Variants in ERP27 observed in about 807,000 individuals in gnomAD.
ERP27 encodes the protein endoplasmic reticulum resident protein 27.
Under a neutral mutation model 27.7 loss-of-function variants are expected in ERP27, and 23 were observed. The observed-to-expected ratio is 0.83, with a 90% confidence interval of 0.60 to 1.18. The LOEUF is 1.18. Among genes scored for constraint, ERP27 ranks in the 50% most tolerant of loss-of-function variants. The pLI, the probability that ERP27 is intolerant of heterozygous loss-of-function variation, is 0.00. For synonymous variants in ERP27, 159 were observed against 118.3 expected (o/e 1.34, Z -2.23); for missense variants, 363 against 327.9 (o/e 1.11, Z -0.83).
chr12:14,914,545 A>G lies in ERP27; in HGVS notation c.*190T>C. ...AGAAGAGAAAACGAGATTTTAAGAC[A>G]GGAAATGAAGCTCTGTGTGTGTGTG... On this transcript the variant is annotated 3_prime_UTR_variant, in exon 7 of 7. Transcript: ENST00000266397. 1.9e-6 allele frequency: 1 copy of G among 524,076 alleles called. No homozygotes were observed. Among genetic ancestry groups the G allele is most frequent in the East Asian group, 3.1e-5 (1 of 31,962 alleles). 32.5% of individuals were successfully genotyped at this position (524,076 alleles called of 1,614,324 possible). A position where few individuals can be genotyped will look rare whatever the true frequency, so the allele number is the denominator to read the frequency against.
In ERP27 at chr12:14,925,020, T is replaced by C. The variant is rs188988593; in HGVS notation, c.334-3972A>G. ...GTCTGAAAAGGTGAGGCATGGATAATCCACCGCTTAGTGCATATAATCAAG... is the reference window on the plus strand; with the variant it reads ...GTCTGAAAAGGTGAGGCATGGATAACCCACCGCTTAGTGCATATAATCAAG... On this transcript the variant is annotated intron_variant, in intron 3 of 6. Transcript: ENST00000266397. Among the ~76,000 whole-genome samples, 202 of 152,298 alleles carry C rather than the reference T, an allele frequency of 1.3e-3. 2 individuals carry two copies. Among genetic ancestry groups the C allele is most frequent in the African/African-American group, 4.7e-3 (196 of 41,548 alleles).
intron 3 of ERP27, among the ~76,000 whole-genome samples, chr12:14,924,688 T>C (rs1273666972): frequency 2.0e-5 from 3 of 152,206 alleles, no homozygotes; most frequent in African/African-American, 4.8e-5. Flanking sequence ...CCTATCGCTG[T>C]CAGAGATGTT....
chr12:14,918,878 T>C (rs1282366590), intron 4 of ERP27, among the ~76,000 whole-genome samples: 1 of 152,226 alleles, frequency 6.6e-6, no homozygotes, highest in African/African-American at 2.4e-5. Context: ...TACTAAATCC[T>C]GCTACTTAAA....
intron 4 of ERP27, 145 bp downstream of exon 4, chr12:14,920,787 G>T: frequency 1.6e-6 from 1 of 610,042 alleles, no homozygotes; most frequent in Non-Finnish European, 2.9e-6. Context: ...TCTTAAAAAG[G>T]TGTAGGAAGG....
chr12:14,934,395 G>T (rs909795729), intron 3 of ERP27, among the ~76,000 whole-genome samples: 4 of 151,986 alleles, frequency 2.6e-5, no homozygotes, highest in African/African-American at 9.7e-5. Flanking sequence ...TGAGACTGGA[G>T]AATATATTTA....
chr12:14,938,317 A>T, intron 1 of ERP27, 98 bp downstream of exon 1: 1 of 1,251,824 alleles, frequency 8.0e-7, no homozygotes, highest in Non-Finnish European at 1.2e-6. Context: ...AAAGCTTTCT[A>T]GGTGTGGAGG....
chr12:14,916,796 C>T (rs920663530), intron 5 of ERP27, among the ~76,000 whole-genome samples: 1 of 152,040 alleles, frequency 6.6e-6, no homozygotes, highest in Non-Finnish European at 1.5e-5. Context: ...GAGCAGGCAC[C>T]AGGTACTTGA....
chr12:14,915,170 A>C (rs943514032), intron 6 of ERP27, among the ~76,000 whole-genome samples: 1 of 152,226 alleles, frequency 6.6e-6, no homozygotes, highest in Non-Finnish European at 1.5e-5. Context: ...GTGATATTCT[A>C]TACATGTATA....
At position 14,923,488 on chromosome 12, in the gene ERP27, A is replaced by T. The variant is rs908766578; in HGVS notation, c.334-2440T>A. Among the ~76,000 whole-genome samples the T allele has an allele frequency of 3.1e-3, 352 of 111,964 alleles. 1 individual carries two copies. The highest frequency in any genetic ancestry group is 0.012 in the African/African-American group (337 of 27,574). 73.5% of individuals were successfully genotyped at this position (111,964 alleles called of 152,430 possible). On this transcript the variant is annotated intron_variant, in intron 3 of 6. Coordinates refer to ENST00000266397, the MANE Select transcript of ERP27 (RefSeq NM_152321.4). ...TACTATATAATATCTATCTATCTATAATCAATCTATCTATCTATCTATCTA... is the reference window on the plus strand; with the variant it reads ...TACTATATAATATCTATCTATCTATTATCAATCTATCTATCTATCTATCTA...
In ERP27 at chr12:14,938,521, G is replaced by C. The variant is rs1317261232; in HGVS notation, c.-13C>G. 4.4e-6 allele frequency: 7 copies of C among 1,597,102 alleles called. No individual in the cohort carries two copies. The highest frequency in any genetic ancestry group is 5.1e-6 in the Non-Finnish European group (6 of 1,171,360). ...GGGCAGCTTCCATTGTCCCTCTCCT[G>C]CTCCTGCTCCAACCCTGGACTTTGT... On this transcript the variant is annotated 5_prime_UTR_variant, in exon 1 of 7. Coordinates refer to ENST00000266397, the MANE Select transcript of ERP27 (RefSeq NM_152321.4).
At position 14,928,512 on chromosome 12, in the gene ERP27, T is replaced by C. The variant is rs564500496; in HGVS notation, c.333+6344A>G. On this transcript the variant is annotated intron_variant, in intron 3 of 6. Transcript: ENST00000266397. ...TCTTCCAATCCATTTGTTTCATAAT[T>C]ATTTGCCGAGTGCCTGCTATATGCA... 1.3e-3 allele frequency among the ~76,000 whole-genome samples: 196 copies of C among 152,340 alleles called. 1 individual carries two copies. The highest frequency in any genetic ancestry group is 4.3e-3 in the African/African-American group (178 of 41,578).
At chr12:14,929,484 GA>G (rs1863665017) in intron 3 of ERP27, among the ~76,000 whole-genome samples, 1 of 152,144 alleles carries the variant, frequency 6.6e-6, no homozygotes, top group African/African-American at 2.4e-5. Context: ...TAATGCACTG[GA>G]AAGAAAATCC....
intron 3 of ERP27, among the ~76,000 whole-genome samples, chr12:14,922,941 C>T (rs1027693065): frequency 6.6e-6 from 1 of 152,054 alleles, no homozygotes; most frequent in Non-Finnish European, 1.5e-5. Context: ...TGGTGGTGCA[C>T]GCCTGTAATG....
intron 3 of ERP27, among the ~76,000 whole-genome samples, chr12:14,923,492 A>AATCAATCAATCT (rs1555098901): frequency 3.8e-4 from 54 of 141,160 alleles, no homozygotes; most frequent in Non-Finnish European, 7.1e-4. Flanking sequence ...ATCTATAATC[A>AATCAATCAATCT]ATCTATCTAT....
In ERP27 at chr12:14,915,577, TCTA is replaced by T. The variant is rs1863396961; in HGVS notation, c.683_685del (p.Leu228_Asp229delinsHis). ...TGTGGGCAGTGTATCCCACTCGTCA[TCTA>T]GAGTCTGGTAAATTGCCAAAGCTGG... On this transcript the variant is annotated inframe_deletion, in exon 6 of 7. Coordinates refer to ENST00000266397, the MANE Select transcript of ERP27 (RefSeq NM_152321.4). The T allele has an allele frequency of 6.2e-7, 1 of 1,614,234 alleles. No homozygotes were observed. Among genetic ancestry groups the T allele is most frequent in the Non-Finnish European group, 8.5e-7 (1 of 1,180,038 alleles).
chr12:14,917,764 T>C (rs1863435145), intron 4 of ERP27, among the ~76,000 whole-genome samples: 1 of 152,188 alleles, frequency 6.6e-6, no homozygotes, highest in Admixed American at 6.5e-5. Context: ...CCAGCTCCAG[T>C]TGAGCCTTCA....
At chr12:14,928,517 G>A (rs1392159945) in intron 3 of ERP27, among the ~76,000 whole-genome samples, 1 of 152,120 alleles carries the variant, frequency 6.6e-6, no homozygotes, top group African/African-American at 2.4e-5. Flanking sequence ...ATAATTATTT[G>A]CCGAGTGCCT....
At chr12:14,935,102 T>A (rs1863755981) in intron 2 of ERP27, 109 bp from the exon 3 acceptor site, 1 of 1,497,692 alleles carries the variant, frequency 6.7e-7, no homozygotes, top group Non-Finnish European at 8.9e-7. Context: ...TAGATTTGAT[T>A]TACTGCCCAG....
intron 5 of ERP27, 30 bp downstream of exon 5, chr12:14,917,148 T>C: frequency 6.2e-7 from 1 of 1,613,654 alleles, no homozygotes. Context: ...GAGGTGTGTA[T>C]GCAATAGGAT....
Sources: gnomAD v4.1 joint callset for allele counts (sites outside exome capture counted in the v4.1 genomes callset) on GRCh38, gnomAD v4.1.1 for gene constraint, MANE v1.5 for transcripts, NCBI Gene and HGNC (gene_info 2026-07-23, HGNC 2026-07-21) for gene names.